ZDHHC11B: variants seen among roughly 807,000 people sequenced by gnomAD.
The protein encoded by ZDHHC11B is zDHHC palmitoyltransferase 11B (putative), also known as probable palmitoyltransferase ZDHHC11B.
A neutral mutation model predicts 42.3 loss-of-function variants in ZDHHC11B; 17 were observed. The ratio of observed to expected loss-of-function variants is 0.40; its 90% confidence interval spans 0.27 to 0.60. ZDHHC11B has a LOEUF of 0.60. Among genes scored for constraint, ZDHHC11B ranks in the 20% least tolerant of loss-of-function variants. ZDHHC11B has a pLI of 0.41. For missense variants in ZDHHC11B, 262 were observed against 463.2 expected (o/e 0.57, Z 3.99); for synonymous variants, 123 against 193.5 (o/e 0.64, Z 3.02).
chr5:766,703 A>G lies in ZDHHC11B; in HGVS notation c.217T>C (p.Tyr73His), dbSNP rs769716471. 6.2e-6 allele frequency: 10 copies of G among 1,607,928 alleles called. No individual in the cohort carries two copies. The Admixed American group carries it at 1.4e-4, about 22-fold the overall frequency. Residue 73 changes from tyrosine (Y) to histidine (H), a missense_variant, in exon 4 of 14, where the codon TAT becomes CAT. By Grantham distance (83) the Tyr-to-His change is moderately conservative. Transcript: ENST00000508859. Reference sequence around the variant, plus strand: ...TGCCACGATGAAAAGGATACCACATAGGCGATGTATTTCCACGAGTGAGGC... The same window carrying G: ...TGCCACGATGAAAAGGATACCACATGGGCGATGTATTTCCACGAGTGAGGC... ...LLPHSWKYIA[Y>H]VVTGGIFSFH...
intron 1 of ZDHHC11B, among the ~76,000 whole-genome samples, chr5:777,087 C>A (rs1171404456): frequency 6.6e-6 from 1 of 151,868 alleles, no homozygotes; most frequent in African/African-American, 2.4e-5. Flanking sequence ...GCTGCGGAGC[C>A]CCGCAGTGAG....
chr5:772,459 C>G (rs868671396), intron 1 of ZDHHC11B, among the ~76,000 whole-genome samples: 1,838 of 149,556 alleles, frequency 0.012, no homozygotes, highest in African/African-American at 0.044. Flanking sequence ...CTTGGATACC[C>G]ACGTCCACTG....
chr5:721,981 C>T (rs1359049025), intron 12 of ZDHHC11B, among the ~76,000 whole-genome samples: 2 of 151,658 alleles, frequency 1.3e-5, no homozygotes, highest in South Asian at 2.1e-4. Flanking sequence ...AGAGGACCTG[C>T]TCAATGAATG....
chr5:722,751 C>A (rs374558604), intron 12 of ZDHHC11B, among the ~76,000 whole-genome samples: 15 of 151,276 alleles, frequency 9.9e-5, no homozygotes, highest in Non-Finnish European at 1.8e-4. Flanking sequence ...CATCTCCATG[C>A]CCAACCATAG....
At chr5:778,583 C>G (rs573766564) in intron 1 of ZDHHC11B, among the ~76,000 whole-genome samples, 1 of 151,970 alleles carries the variant, frequency 6.6e-6, no homozygotes, top group South Asian at 2.1e-4. Context: ...CCTTGGGTTA[C>G]CCTTGGGGCT....
Position 773,842 on chromosome 5 carries a change from C to T in ZDHHC11B, c.-229-4912G>A, listed in dbSNP as rs1284453959. Reference sequence around the variant, plus strand: ...ACCCCACTCCCACACACCTGCAGCACCTCCCCAGGGAGTCAGGAGGATGGT... The same window carrying T: ...ACCCCACTCCCACACACCTGCAGCATCTCCCCAGGGAGTCAGGAGGATGGT... On this transcript the variant is annotated intron_variant, in intron 1 of 13. Coordinates refer to ENST00000508859, the MANE Select transcript of ZDHHC11B (RefSeq NM_001351303.2). 5.3e-5 allele frequency among the ~76,000 whole-genome samples: 8 copies of T among 151,790 alleles called. 1 individual carries two copies. The highest frequency in any genetic ancestry group is 1.7e-4 in the African/African-American group (7 of 41,292).
chr5:778,686 T>G lies in ZDHHC11B; in HGVS notation c.-230+5982A>C, dbSNP rs577531318. 8.2e-4 allele frequency among the ~76,000 whole-genome samples: 124 copies of G among 152,108 alleles called. 1 individual carries two copies. Among genetic ancestry groups the G allele is most frequent in the African/African-American group, 2.7e-3 (113 of 41,510 alleles). On this transcript the variant is annotated intron_variant, in intron 1 of 13. Coordinates refer to ENST00000508859, the MANE Select transcript of ZDHHC11B (RefSeq NM_001351303.2). ...TCCCCAGAACCTGTGAACGCGACCT[T>G]GTTTGGAGAAAGGATCTGGAAATGA...
intron 12 of ZDHHC11B, among the ~76,000 whole-genome samples, chr5:724,371 A>ATTTTTTTTTTTT (rs386402805): frequency 2.5e-5 from 2 of 81,418 alleles, no homozygotes; most frequent in Non-Finnish European, 4.6e-5. Context: ...AACCCAGCTA[A>ATTTTTTTTTTTT]TTTTTTTTTT....
At position 751,676 on chromosome 5, in the gene ZDHHC11B, T is replaced by G. The variant is rs2878470; in HGVS notation, c.504-419A>C. Among the ~76,000 whole-genome samples the G allele has an allele frequency of 1.3e-3, 165 of 128,120 alleles. 14 individuals are homozygous for G. The highest frequency in any genetic ancestry group is 3.8e-3 in the African/African-American group (151 of 39,454). 84.1% of individuals were successfully genotyped at this position (128,120 alleles called of 152,430 possible). A position where few individuals can be genotyped will look rare whatever the true frequency, so the allele number is the denominator to read the frequency against. ...GAGAGGGCTCCTGGCCACTGCCCGA[T>G]GCTGGCCTCAAACCCTGCTCCCGAC... is the stretch of plus-strand genomic sequence containing the variant. On this transcript the variant is annotated intron_variant, in intron 6 of 13. Transcript: ENST00000508859.
At chr5:760,400 T>C (rs1734443519) in intron 4 of ZDHHC11B, among the ~76,000 whole-genome samples, 2 of 151,502 alleles carry the variant, frequency 1.3e-5, no homozygotes, top group Non-Finnish European at 3.0e-5. Context: ...GAAAAGACGG[T>C]GTGAACACGA....
rs1357026453 is a variant in ZDHHC11B, at chr5:771,424, A to G, written c.-229-2494T>C. Among the ~76,000 whole-genome samples the G allele has an allele frequency of 3.3e-5, 5 of 149,678 alleles. 1 individual carries two copies. Among genetic ancestry groups the G allele is most frequent in the Non-Finnish European group, 7.4e-5 (5 of 67,340 alleles). On this transcript the variant is annotated intron_variant, in intron 1 of 13. Transcript: ENST00000508859. ...ACCCAGCGGAGGATGCAGGGGCAGGATCCTGGTGGGGGCTGGGCCGCATGG... is the reference window on the plus strand; with the variant it reads ...ACCCAGCGGAGGATGCAGGGGCAGGGTCCTGGTGGGGGCTGGGCCGCATGG...
chr5:784,578 G>A, intron 1 of ZDHHC11B, among the ~76,000 whole-genome samples, 90 bp downstream of exon 1: 1 of 152,176 alleles, frequency 6.6e-6, no homozygotes, highest in Non-Finnish European at 1.5e-5. Context: ...GGGCTGCGGC[G>A]CAGGTGGCTG....
At chr5:757,049 C>CA (rs1197089168) in intron 4 of ZDHHC11B, among the ~76,000 whole-genome samples, 1 of 151,810 alleles carries the variant, frequency 6.6e-6, no homozygotes, top group Non-Finnish European at 1.5e-5. Context: ...ACTGGAACGT[C>CA]AGCTTCCGCC....
At chr5:778,234 CAG>C (rs1736704547) in intron 1 of ZDHHC11B, among the ~76,000 whole-genome samples, 1 of 151,796 alleles carries the variant, frequency 6.6e-6, no homozygotes, top group Admixed American at 6.6e-5. Flanking sequence ...ATTCCACCAA[CAG>C]AGCATCCCAA....
chr5:752,604 G>A (rs1257085022), intron 6 of ZDHHC11B, among the ~76,000 whole-genome samples: 3 of 94,258 alleles, frequency 3.2e-5, no homozygotes, highest in Non-Finnish European at 7.5e-5. Context: ...CATGAATGCC[G>A]CAGTCGTCCG....
chr5:734,121 G>A (rs1262204365), intron 10 of ZDHHC11B, among the ~76,000 whole-genome samples: 1 of 141,804 alleles, frequency 7.1e-6, no homozygotes, highest in Non-Finnish European at 1.5e-5. Context: ...CTACACCAGT[G>A]CCTAAGACGG....
At position 778,014 on chromosome 5, in the gene ZDHHC11B, G is replaced by A. The variant is rs1038954777; in HGVS notation, c.-230+6654C>T. ...GCGAGAATTTGAGCATGGCGCAGGC[G>A]GGCTGGCAGTGCTGGGGGACCCGGC... On this transcript the variant is annotated intron_variant, in intron 1 of 13. Coordinates refer to ENST00000508859, the MANE Select transcript of ZDHHC11B (RefSeq NM_001351303.2). 7.2e-5 allele frequency among the ~76,000 whole-genome samples: 11 copies of A among 152,036 alleles called. No individual in the cohort carries two copies. In the East Asian group the frequency reaches 9.7e-4, roughly 13 times the overall value.
intron 12 of ZDHHC11B, among the ~76,000 whole-genome samples, chr5:717,933 C>A (rs113564668): frequency 0.016 from 2,493 of 151,186 alleles, 25 homozygotes; most frequent in African/African-American, 0.058. Flanking sequence ...GGGTCTGCCA[C>A]CAGATTATTG....
At position 738,010 on chromosome 5, in the gene ZDHHC11B, C is replaced by T. The variant is rs1743734068; in HGVS notation, c.935+3584G>A. Among the ~76,000 whole-genome samples the T allele has an allele frequency of 4.6e-5, 5 of 109,120 alleles. 1 individual carries two copies. In the South Asian group the frequency reaches 2.1e-3, roughly 46 times the overall value. 71.6% of individuals were successfully genotyped at this position (109,120 alleles called of 152,430 possible). On this transcript the variant is annotated intron_variant, in intron 10 of 13. Transcript: ENST00000508859. ...ATTGGTAAACAGGAAGTCAAATTGT[C>T]CCTGTTCACTGATGATATGGTTGTA...
Sources: allele counts gnomAD v4.1 joint callset (sites outside exome capture counted in the v4.1 genomes callset), GRCh38; gene constraint gnomAD v4.1.1; transcripts MANE v1.5; gene names NCBI Gene and HGNC (gene_info 2026-07-23, HGNC 2026-07-21).